Variants in PNPLA1 observed in about 807,000 individuals in gnomAD.
The protein encoded by PNPLA1 is omega-hydroxyceramide transacylase.
Under a neutral mutation model 51.7 loss-of-function variants are expected in PNPLA1, and 36 were observed. The ratio of observed to expected loss-of-function variants is 0.70; its 90% CI spans 0.53 to 0.92. PNPLA1 has a LOEUF of 0.92. Among genes scored for constraint, PNPLA1 ranks in the 40% least tolerant of loss-of-function variants. PNPLA1 has a pLI of 0.00. For missense variants in PNPLA1, 658 were observed against 682.5 expected (o/e 0.96, Z 0.40); for synonymous variants, 293 against 280.1 (o/e 1.05, Z -0.46).
chr6:36,286,703 G>A (rs1291514742), intron 1 of PNPLA1, among the ~76,000 whole-genome samples: 2 of 152,172 alleles, frequency 1.3e-5, no homozygotes, highest in African/African-American at 4.8e-5. Flanking sequence ...TTTAGAGGCA[G>A]GGTCTCACTC....
intron 1 of PNPLA1, among the ~76,000 whole-genome samples, chr6:36,264,148 C>T (rs1205439036): frequency 6.6e-6 from 1 of 152,224 alleles, no homozygotes; most frequent in Non-Finnish European, 1.5e-5. Flanking sequence ...AACTCAGTCA[C>T]CTCCATCAAC....
chr6:36,308,497 A>T (rs1195657480), intron 8 of PNPLA1: 1 of 152,188 alleles, frequency 6.6e-6, no homozygotes, highest in Non-Finnish European at 1.5e-5. Context: ...TGACTATATT[A>T]TGCTGTCTTT....
intron 2 of PNPLA1, 27 bp downstream of exon 2, chr6:36,291,579 G>GGGGGGGGGA: frequency 9.6e-6 from 1 of 103,658 alleles, no homozygotes. Context: ...GGGAGGGAGG[G>GGGGGGGGGA]ACACGGAGGG....
chr6:36,306,448 C>T (rs1322161250), intron 7 of PNPLA1, 72 bp downstream of exon 7: 2 of 1,351,978 alleles, frequency 1.5e-6, no homozygotes, highest in South Asian at 1.3e-5. Flanking sequence ...GCGATATCTT[C>T]CACCACCTTA....
intron 5 of PNPLA1, among the ~76,000 whole-genome samples, chr6:36,301,332 A>G (rs1022033000): frequency 6.6e-6 from 1 of 152,048 alleles, no homozygotes; most frequent in African/African-American, 2.4e-5. Flanking sequence ...AATGCTTGCC[A>G]TGAAAACTAA....
intron 1 of PNPLA1, among the ~76,000 whole-genome samples, chr6:36,275,763 T>C (rs900804937): frequency 2.0e-5 from 3 of 152,208 alleles, no homozygotes; most frequent in African/African-American, 7.2e-5. Context: ...CTTTGCCCCA[T>C]GTGAAAAGCT....
chr6:36,246,150 A>C (rs1769276593), intron 1 of PNPLA1, among the ~76,000 whole-genome samples: 1 of 152,120 alleles, frequency 6.6e-6, no homozygotes, highest in Admixed American at 6.5e-5. Context: ...CCCCTGCTGC[A>C]CAGATGAGGG....
intron 1 of PNPLA1, among the ~76,000 whole-genome samples, chr6:36,247,390 G>T (rs1055695722): frequency 6.6e-6 from 1 of 152,236 alleles, no homozygotes; most frequent in East Asian, 1.9e-4. Flanking sequence ...CCAGTTCTCC[G>T]CCAACTCTGC....
chr6:36,310,379 GC>G (rs1771362458), intron 8 of PNPLA1, among the ~76,000 whole-genome samples: 1 of 152,136 alleles, frequency 6.6e-6, no homozygotes, highest in African/African-American at 2.4e-5. Context: ...TGTGTCACTG[GC>G]CTCAAAATGA....
intron 2 of PNPLA1, among the ~76,000 whole-genome samples, chr6:36,291,811 A>AGCCT (rs1446006907): frequency 2.0e-5 from 3 of 152,160 alleles, no homozygotes. Context: ...CCCTGCGCTA[A>AGCCT]GCCTGGAGCT....
At chr6:36,307,867 G>A in intron 8 of PNPLA1, 155 bp downstream of exon 8, 2 of 952,478 alleles carry the variant, frequency 2.1e-6, no homozygotes, top group Non-Finnish European at 2.9e-6. Context: ...TAAAATTCCT[G>A]CTCTGCCACA....
rs576382040 is a variant in PNPLA1 at position 36,247,352 on chromosome 6, G to T, written c.-81+4091G>T. ...CCACACTCCAAGTTGGACTGTACTT[G>T]CTTGGCAAAACCCCAACCCAGTTAG... is the stretch of plus-strand genomic sequence containing the variant. On this transcript the variant is annotated intron_variant, in intron 1 of 7. Coordinates refer to the PNPLA1 transcript ENST00000312917. 2.4e-4 allele frequency among the ~76,000 whole-genome samples: 37 copies of T among 152,238 alleles called. 1 individual carries two copies. In the South Asian group the frequency reaches 5.6e-3, roughly 23 times the overall value.
At chr6:36,301,114 G>GCCCC (rs71540149) in intron 5 of PNPLA1, among the ~76,000 whole-genome samples, 10 of 99,910 alleles carry the variant, frequency 1.0e-4, no homozygotes, top group East Asian at 3.6e-4. Context: ...CCATCCCCCC[G>GCCCC]CCCCCCCACC....
intron 5 of PNPLA1, 99 bp downstream of exon 5, chr6:36,295,523 TGACCCGGA>T: frequency 1.5e-6 from 2 of 1,325,404 alleles, no homozygotes; most frequent in Non-Finnish European, 2.2e-6. Context: ...CCCAGATTTG[TGACCCGGA>T]GACGCCCTTC....
At chr6:36,290,662 G>A (rs1016948238) in intron 1 of PNPLA1, among the ~76,000 whole-genome samples, 3 of 152,184 alleles carry the variant, frequency 2.0e-5, no homozygotes, top group Non-Finnish European at 4.4e-5. Flanking sequence ...CCCGAATAGC[G>A]CATCTGCCCA....
Position 36,270,563 on chromosome 6 carries a change from T to C in PNPLA1, c.104T>C (p.Leu35Pro). The C allele has an allele frequency of 6.4e-7, 1 of 1,551,592 alleles. No individual in the cohort carries two copies. Among genetic ancestry groups the C allele is most frequent in the Non-Finnish European group, 8.7e-7 (1 of 1,146,994 alleles). The change falls in exon 1 of 9, where the codon CTG becomes CCG. Residue 35 changes from leucine to proline, a missense_variant. Transcript: ENST00000636260. Reference sequence around the variant, plus strand: ...TACCAGGCGGGGGCTGTGGACGCCCTGCGGGACCTGGCCCCCCGGATGCTG... The same window carrying C: ...TACCAGGCGGGGGCTGTGGACGCCCCGCGGGACCTGGCCCCCCGGATGCTG... ...SFYQAGAVDA[L>P]RDLAPRMLET...
At chr6:36,245,799 C>T (rs1425024436) in intron 1 of PNPLA1, among the ~76,000 whole-genome samples, 3 of 152,228 alleles carry the variant, frequency 2.0e-5, no homozygotes, top group African/African-American at 7.2e-5. Flanking sequence ...CAGGGACATC[C>T]TGATTTGGCC....
chr6:36,288,214 C>T (rs1284057609), intron 1 of PNPLA1, among the ~76,000 whole-genome samples: 4 of 152,178 alleles, frequency 2.6e-5, no homozygotes, highest in East Asian at 1.9e-4. Flanking sequence ...TTCATTGCAT[C>T]GTTATTTAGA....
chr6:36,306,764 A>G (rs1210947813), intron 7 of PNPLA1, among the ~76,000 whole-genome samples: 1 of 152,160 alleles, frequency 6.6e-6, no homozygotes, highest in African/African-American at 2.4e-5. Flanking sequence ...AAATGAATTA[A>G]GGGTCTCTAT....
Sources: allele counts gnomAD v4.1 joint callset (sites outside exome capture counted in the v4.1 genomes callset), GRCh38; gene constraint gnomAD v4.1.1; transcripts MANE v1.5; gene names NCBI Gene and HGNC (gene_info 2026-07-23, HGNC 2026-07-21).